ASAP2: variants seen among roughly 807,000 people sequenced by gnomAD.
ASAP2 encodes ArfGAP with SH3 domain, ankyrin repeat and PH domain 2.
A neutral mutation model predicts 131.4 loss-of-function variants in ASAP2; 45 were observed. The observed-to-expected ratio is 0.34, with a 90% CI of 0.27 to 0.44. The LOEUF (loss-of-function observed/expected upper bound fraction) is 0.44, where lower values mean the gene tolerates loss of function less well. Among genes scored for constraint, ASAP2 ranks in the 20% least tolerant of loss-of-function variants. ASAP2 has a pLI of 1.00. For missense variants in ASAP2, 1,011 were observed against 1,297.0 expected (o/e 0.78, Z 3.39); for synonymous variants, 510 against 503.0 (o/e 1.01, Z -0.19).
chr2:9,328,857 A>C (rs1670645809), intron 7 of ASAP2, among the ~76,000 whole-genome samples: 1 of 152,268 alleles, frequency 6.6e-6, no homozygotes, highest in South Asian at 2.1e-4. Flanking sequence ...TGAAAGAGAC[A>C]AATTTCTAAT....
chr2:9,219,999 G>A (rs1662305945), intron 1 of ASAP2, among the ~76,000 whole-genome samples: 1 of 152,062 alleles, frequency 6.6e-6, no homozygotes, highest in Admixed American at 6.5e-5. Context: ...GTAGCCTAAT[G>A]TTTTTAAGAT....
chr2:9,297,586 C>A, intron 3 of ASAP2, 141 bp downstream of exon 3: 1 of 1,016,046 alleles, frequency 9.8e-7, no homozygotes, highest in African/African-American at 1.6e-5. Flanking sequence ...TTTTTATACA[C>A]ATTGGGTCAG....
intron 3 of ASAP2, among the ~76,000 whole-genome samples, chr2:9,297,983 G>A (rs951489041): frequency 1.3e-5 from 2 of 151,614 alleles, no homozygotes; most frequent in Admixed American, 1.3e-4. Context: ...TGCTGCCTGT[G>A]GCTGCTGCTT....
Position 9,356,363 on chromosome 2 carries a change from C to A in ASAP2, c.1327+18C>A. On this transcript the variant is annotated intron_variant, in intron 14 of 27. Coordinates refer to ENST00000281419, the MANE Select transcript of ASAP2 (RefSeq NM_003887.3). ...GGCGCCAGGTGACCCAGGGACCCCA[C>A]CCGACCCTGGGCTCTAGGACATTTC... The A allele has an allele frequency of 6.4e-7, 1 of 1,563,670 alleles. No individual in the cohort carries two copies. The highest frequency in any genetic ancestry group is 8.6e-7 in the Non-Finnish European group (1 of 1,156,870).
chr2:9,294,504 G>C (rs968527129), intron 2 of ASAP2, among the ~76,000 whole-genome samples: 3 of 152,144 alleles, frequency 2.0e-5, no homozygotes, highest in Admixed American at 6.5e-5. Context: ...AAAGTGCACC[G>C]ATCCTCCTAC....
intron 1 of ASAP2, among the ~76,000 whole-genome samples, chr2:9,222,458 T>C (rs866855431): frequency 5.9e-5 from 9 of 152,234 alleles, no homozygotes; most frequent in Non-Finnish European, 8.8e-5. Context: ...AGCTGCTGTT[T>C]CTGCTGGTGA....
At chr2:9,211,551 A>G (rs1366127884) in intron 1 of ASAP2, among the ~76,000 whole-genome samples, 3 of 152,220 alleles carry the variant, frequency 2.0e-5, no homozygotes, top group Non-Finnish European at 4.4e-5. Context: ...AGTTTTAAAA[A>G]TAAATTTGAT....
chr2:9,329,359 C>G (rs1670683469), intron 7 of ASAP2, among the ~76,000 whole-genome samples: 1 of 152,142 alleles, frequency 6.6e-6, no homozygotes, highest in East Asian at 1.9e-4. Context: ...TGTGATCTGC[C>G]AGGCGCTATT....
intron 1 of ASAP2, among the ~76,000 whole-genome samples, chr2:9,255,451 C>T (rs1665088699): frequency 6.6e-6 from 1 of 152,220 alleles, no homozygotes; most frequent in South Asian, 2.1e-4. Flanking sequence ...TAGCAATTTA[C>T]TTAAATTCTC....
At chr2:9,340,435 C>T (rs1671505044) in intron 9 of ASAP2, among the ~76,000 whole-genome samples, 1 of 152,232 alleles carries the variant, frequency 6.6e-6, no homozygotes, top group South Asian at 2.1e-4. Flanking sequence ...CAAACTGGTT[C>T]TCCGGAGTCT....
intron 3 of ASAP2, among the ~76,000 whole-genome samples, chr2:9,302,905 C>T (rs62121311): frequency 0.19 from 28,909 of 152,112 alleles, 3,293 homozygotes; most frequent in Non-Finnish European, 0.27. Context: ...TGTGCTGCAC[C>T]TGGCAGAGGG....
At chr2:9,264,168 G>T (rs1404693988) in intron 1 of ASAP2, among the ~76,000 whole-genome samples, 1 of 149,518 alleles carries the variant, frequency 6.7e-6, no homozygotes, top group Non-Finnish European at 1.5e-5. Flanking sequence ...CTCCACCCTG[G>T]GCAGTGAGTG....
intron 1 of ASAP2, among the ~76,000 whole-genome samples, chr2:9,269,912 C>T (rs1666221673): frequency 6.6e-6 from 1 of 152,208 alleles, no homozygotes; most frequent in African/African-American, 2.4e-5. Context: ...CACACTGTCC[C>T]CGTCCCCTGT....
At chr2:9,300,007 G>C (rs57346156) in intron 3 of ASAP2, among the ~76,000 whole-genome samples, 5,979 of 152,214 alleles carry the variant, frequency 0.039, 293 homozygotes, top group African/African-American at 0.11. Context: ...AAGGTGGGCG[G>C]GTTGCTTTGA....
intron 15 of ASAP2, 39 bp from the exon 16 acceptor site, chr2:9,368,386 A>G (rs1673643734): frequency 6.5e-7 from 1 of 1,545,124 alleles, no homozygotes; most frequent in East Asian, 2.2e-5. Context: ...AGAATGTATT[A>G]ATAATTGAGT....
At chr2:9,313,050 C>G (rs1488498688) in intron 3 of ASAP2, among the ~76,000 whole-genome samples, 2 of 152,098 alleles carry the variant, frequency 1.3e-5, no homozygotes, top group African/African-American at 4.8e-5. Flanking sequence ...CAGAGTGAAA[C>G]TGTGTCTTAA....
chr2:9,381,746 G>A (rs921597079), intron 20 of ASAP2, among the ~76,000 whole-genome samples: 5 of 152,002 alleles, frequency 3.3e-5, no homozygotes, highest in Non-Finnish European at 7.4e-5. Flanking sequence ...CCACAAAAAC[G>A]TTTCGAATTA....
At chr2:9,378,195 C>T (rs1443585947) in intron 18 of ASAP2, among the ~76,000 whole-genome samples, 2 of 152,296 alleles carry the variant, frequency 1.3e-5, no homozygotes, top group African/African-American at 4.8e-5. Flanking sequence ...TTCCTGAGAT[C>T]GCCTTTCTGT....
At chr2:9,211,970 T>A (rs1056262689) in intron 1 of ASAP2, among the ~76,000 whole-genome samples, 2 of 152,218 alleles carry the variant, frequency 1.3e-5, no homozygotes, top group African/African-American at 4.8e-5. Context: ...GTTCTGAAAT[T>A]TGAATTTCAG....
Sources: gnomAD v4.1 joint callset for allele counts (sites outside exome capture counted in the v4.1 genomes callset) on GRCh38, gnomAD v4.1.1 for gene constraint, MANE v1.5 for transcripts, NCBI Gene and HGNC (gene_info 2026-07-23, HGNC 2026-07-21) for gene names.